KRT27: variants seen among roughly 807,000 people sequenced by gnomAD.
KRT27 encodes the protein keratin 27, also known as keratin, type I cytoskeletal 27.
In KRT27, 30 loss-of-function variants were observed where a neutral mutation model predicts 45.3. The observed-to-expected ratio is 0.66, with a 90% CI of 0.50 to 0.90. KRT27 has a LOEUF of 0.90. KRT27 is among the 40% of genes least tolerant of loss of function. The pLI is 0.00. For missense variants in KRT27, 610 were observed against 564.3 expected, an observed-to-expected ratio of 1.08 and a Z score of -0.82; for synonymous variants, 204 against 223.9, an observed-to-expected ratio of 0.91 and a Z score of 0.79.
chr17:40,780,082 G>A (rs563473336), intron 3 of KRT27, among the ~76,000 whole-genome samples: 37 of 152,250 alleles, frequency 2.4e-4, no homozygotes, highest in Non-Finnish European at 5.0e-4. Flanking sequence ...ATTTTTAAAG[G>A]AGTCAGATGG....
chr17:40,778,358 A>AT (rs1055255813), intron 5 of KRT27, among the ~76,000 whole-genome samples: 2 of 152,222 alleles, frequency 1.3e-5, no homozygotes, highest in Non-Finnish European at 2.9e-5. Context: ...ACCTGCAAGT[A>AT]TTTTTTATAT....
chr17:40,779,515 G>A lies in KRT27; in HGVS notation c.959C>T (p.Ser320Phe). 6.2e-7 allele frequency: 1 copy of A among 1,613,374 alleles called. No individual in the cohort carries two copies. The highest frequency in any genetic ancestry group is 8.5e-7 in the Non-Finnish European group (1 of 1,179,448). The change falls in exon 5 of 8, where the codon TCC (serine) becomes TTC (phenylalanine). Residue 320 changes from serine to phenylalanine, a missense_variant. Coordinates refer to ENST00000301656, the MANE Select transcript of KRT27 (RefSeq NM_181537.4). The stretch of plus-strand genomic sequence containing the variant: ...CTTTTCGCTTACCGTTGCTAAGAGG[G>A]ACTGAAGTTCAATCTCAAGGGTTTG... ...TLQTLEIELQSLLATKHSLEC... is the reference protein window; with the variant it reads ...TLQTLEIELQFLLATKHSLEC...
intron 2 of KRT27, among the ~76,000 whole-genome samples, chr17:40,780,828 G>A (rs2038305266): frequency 6.6e-6 from 1 of 152,096 alleles, no homozygotes; most frequent in Admixed American, 6.5e-5. Flanking sequence ...CAGCCTGGGC[G>A]ACAGAGCGAG....
At chr17:40,778,316 A>G (rs1438971554) in intron 5 of KRT27, among the ~76,000 whole-genome samples, 1 of 152,256 alleles carries the variant, frequency 6.6e-6, no homozygotes, top group Non-Finnish European at 1.5e-5. Flanking sequence ...GCAATTTTAC[A>G]TGGAATGAAG....
At chr17:40,780,871 A>AT (rs2038305872) in intron 2 of KRT27, among the ~76,000 whole-genome samples, 1 of 152,038 alleles carries the variant, frequency 6.6e-6, no homozygotes, top group South Asian at 2.1e-4. Flanking sequence ...AAATAAATAA[A>AT]TAAATTAATT....
chr17:40,780,490 C>T (rs1473330973), intron 2 of KRT27, 34 bp from the exon 3 acceptor site: 4 of 1,589,696 alleles, frequency 2.5e-6, no homozygotes, highest in East Asian at 2.2e-5. Context: ...CATCATTAGT[C>T]ATTAGACATG....
chr17:40,779,940 T>A, intron 3 of KRT27, 79 bp from the exon 4 acceptor site: 1 of 1,459,112 alleles, frequency 6.9e-7, no homozygotes, highest in South Asian at 1.4e-5. Context: ...CTCGCTCTGA[T>A]GCCTAGGCTG....
intron 1 of KRT27, 130 bp from the exon 2 acceptor site, chr17:40,781,400 T>C: frequency 1.7e-6 from 1 of 596,504 alleles, no homozygotes; most frequent in East Asian, 2.9e-5. Context: ...GACCATTCTT[T>C]TGAAGATGGG....
In KRT27 at chr17:40,782,547, G is replaced by A. The variant is rs2038324481; in HGVS notation, c.-54C>T. 5.0e-6 allele frequency: 7 copies of A among 1,410,786 alleles called. No individual in the cohort carries two copies. Among genetic ancestry groups the A allele is most frequent in the Non-Finnish European group, 6.6e-6 (7 of 1,056,332 alleles). 87.4% of individuals were successfully genotyped at this position (1,410,786 alleles called of 1,614,324 possible). On this transcript the variant is annotated 5_prime_UTR_variant, in exon 1 of 8. Transcript: ENST00000301656. Reference sequence around the variant, plus strand: ...TGCGGTGATGCTCTGATGGTGAACGGCCTACTCAAACAGCTTGGTTTGCCT... The same window carrying A: ...TGCGGTGATGCTCTGATGGTGAACGACCTACTCAAACAGCTTGGTTTGCCT...
intron 1 of KRT27, 114 bp from the exon 2 acceptor site, chr17:40,781,384 TAATC>T: frequency 6.3e-6 from 4 of 634,552 alleles, no homozygotes; most frequent in Non-Finnish European, 1.1e-5. Context: ...CTGTCTCTAA[TAATC>T]AGACCATTCT....
intron 1 of KRT27, among the ~76,000 whole-genome samples, chr17:40,781,780 A>G (rs1177363893): frequency 6.6e-6 from 1 of 152,200 alleles, no homozygotes. Context: ...AGCTCTTTCT[A>G]TGGGAAAGCC....
chr17:40,778,184 G>A lies in KRT27; in HGVS notation c.973-452C>T, dbSNP rs113153146. Reference sequence around the variant, plus strand: ...TCATCCTGCAGTAAACCGCATAAACGTTCCATGAGTAGAATAAACCACAGA... The same window carrying A: ...TCATCCTGCAGTAAACCGCATAAACATTCCATGAGTAGAATAAACCACAGA... On this transcript the variant is annotated intron_variant, in intron 5 of 7. Transcript: ENST00000301656. Among the ~76,000 whole-genome samples the A allele has an allele frequency of 3.0e-3, 462 of 152,300 alleles. 7 individuals carry two copies. The highest frequency in any genetic ancestry group is 0.01 in the African/African-American group (423 of 41,564).
chr17:40,778,525 A>T (rs2038283326), intron 5 of KRT27, among the ~76,000 whole-genome samples: 2 of 152,244 alleles, frequency 1.3e-5, no homozygotes, highest in South Asian at 4.1e-4. Flanking sequence ...GGAATTGCTT[A>T]ACTTCTTCGA....
chr17:40,778,033 G>A (rs2252403), intron 5 of KRT27: 53,738 of 351,282 alleles, frequency 0.15, 4,456 homozygotes, highest in African/African-American at 0.19. Flanking sequence ...AATATAGCCT[G>A]TGCTTGTAGA....
rs546514327 is a variant in KRT27, at chr17:40,777,168, TTTA to T, written c.1241-33_1241-31del. On this transcript the variant is annotated intron_variant, in intron 7 of 7. Transcript: ENST00000301656. Reference sequence around the variant, plus strand: ...AATGCCACATATAAACTGTTTAGAATTTATCAAATTCATAAATAGGAAATAAAA... The same window carrying T: ...AATGCCACATATAAACTGTTTAGAATTCAAATTCATAAATAGGAAATAAAA... 1.2e-3 allele frequency: 1,938 copies of T among 1,611,540 alleles called. 1 individual carries two copies. Among genetic ancestry groups the T allele is most frequent in the Non-Finnish European group, 1.6e-3 (1,835 of 1,178,656 alleles).
intron 2 of KRT27, 117 bp downstream of exon 2, chr17:40,781,071 C>A: frequency 1.7e-6 from 1 of 579,072 alleles, no homozygotes; most frequent in Non-Finnish European, 2.9e-6. Context: ...TTGTTTAAAA[C>A]AAATACATGA....
In KRT27 at chr17:40,776,892, C is replaced by T; in HGVS notation, c.*107G>A. 2.0e-6 allele frequency: 2 copies of T among 1,023,798 alleles called. No homozygotes were observed. Among genetic ancestry groups the T allele is most frequent in the Non-Finnish European group, 2.9e-6 (2 of 696,920 alleles). The allele number at this position is 1,023,798 out of a possible 1,614,324, so 63.4% of individuals were successfully genotyped here. ...TGGTACTATTCTAAAAATAACTTGT[C>T]TTAATTCATTGGAAGAAAAGCAGAA... is the stretch of plus-strand genomic sequence containing the variant. On this transcript the variant is annotated 3_prime_UTR_variant, in exon 8 of 8. Coordinates refer to ENST00000301656, the MANE Select transcript of KRT27 (RefSeq NM_181537.4).
Position 40,776,839 on chromosome 17 carries a change from C to A in KRT27, c.*160G>T. The A allele has an allele frequency of 1.7e-6, 1 of 572,358 alleles. No individual in the cohort carries two copies. Among genetic ancestry groups the A allele is most frequent in the Non-Finnish European group, 2.9e-6 (1 of 349,746 alleles). The allele number at this position is 572,358 out of a possible 1,614,324, so 35.5% of individuals were successfully genotyped here. ...GCAACAGGAAGAACTTTTATTGAAACACCACCATAGAGAAAAAGCCAAAGA... is the reference window on the plus strand; with the variant it reads ...GCAACAGGAAGAACTTTTATTGAAAAACCACCATAGAGAAAAAGCCAAAGA... On this transcript the variant is annotated 3_prime_UTR_variant, in exon 8 of 8. Transcript: ENST00000301656.
chr17:40,779,808 G>A lies in KRT27; in HGVS notation c.738C>T (p.Asn246=), dbSNP rs1397928127. The A allele has an allele frequency of 8.1e-6, 13 of 1,614,214 alleles. No individual in the cohort carries two copies. The East Asian group carries it at 2.5e-4, about 30-fold the overall frequency. Residue 246 remains asparagine (N), a synonymous_variant, in exon 4 of 8, where the codon AAC becomes AAT. Transcript: ENST00000301656. ...AAGGNVNVEM[N]AAPGVDLTVL... The stretch of plus-strand genomic sequence containing the variant: ...CCGTGAGGTCTACCCCGGGGGCCGC[G>A]TTCATCTCCACGTTCACGTTGCCTC...
Sources: gnomAD v4.1 joint callset for allele counts (sites outside exome capture counted in the v4.1 genomes callset) on GRCh38, gnomAD v4.1.1 for gene constraint, MANE v1.5 for transcripts, NCBI Gene and HGNC (gene_info 2026-07-23, HGNC 2026-07-21) for gene names.